CSMD1: variants seen among roughly 807,000 people sequenced by gnomAD.
CSMD1 encodes CUB and sushi domain-containing protein 1.
A neutral mutation model predicts 417.5 loss-of-function variants in CSMD1; 213 were observed. The observed-to-expected ratio is 0.51, with a 90% confidence interval of 0.46 to 0.57. CSMD1 has a LOEUF of 0.57. Among genes scored for constraint, CSMD1 ranks in the 20% least tolerant of loss-of-function variants. CSMD1 has a pLI of 0.00. For missense variants in CSMD1, 6,923 were observed against 4,529.7 expected (o/e 1.53, Z -15.17); for synonymous variants, 2,862 against 1,736.8 (o/e 1.65, Z -16.11).
At chr8:4,478,771 A>G (rs893898424) in intron 2 of CSMD1, among the ~76,000 whole-genome samples, 3 of 152,228 alleles carry the variant, frequency 2.0e-5, no homozygotes, top group African/African-American at 7.2e-5. Context: ...ATATGTAACA[A>G]ATTTTAATGG....
At chr8:4,022,228 G>T (rs1020514023) in intron 4 of CSMD1, among the ~76,000 whole-genome samples, 2 of 148,204 alleles carry the variant, frequency 1.3e-5, no homozygotes, top group Admixed American at 6.7e-5. Context: ...GGTAATAAAG[G>T]TGCTGACTAT....
At chr8:4,082,362 T>C (rs1252545268) in intron 3 of CSMD1, among the ~76,000 whole-genome samples, 1 of 152,166 alleles carries the variant, frequency 6.6e-6, no homozygotes, top group Non-Finnish European at 1.5e-5. Flanking sequence ...GCCCAGATGG[T>C]TTCACTGGTG....
At chr8:3,000,285 T>C (rs1037577358) in intron 52 of CSMD1, among the ~76,000 whole-genome samples, 154 bp from the exon 53 acceptor site, 1 of 151,306 alleles carries the variant, frequency 6.6e-6, no homozygotes, top group Non-Finnish European at 1.5e-5. Context: ...TTAAATATAG[T>C]TTTTCTTTTT....
intron 6 of CSMD1, among the ~76,000 whole-genome samples, chr8:3,715,636 G>A (rs535582287): frequency 3.5e-4 from 54 of 152,172 alleles, no homozygotes; most frequent in African/African-American, 1.1e-3. Context: ...TCCACCTCCC[G>A]GGTTCAAGTG....
chr8:4,082,072 G>C (rs1269690271), intron 3 of CSMD1, among the ~76,000 whole-genome samples: 2 of 152,100 alleles, frequency 1.3e-5, no homozygotes, highest in Admixed American at 6.6e-5. Context: ...AAGATTAATT[G>C]ATGAAGATTA....
Position 3,266,279 on chromosome 8 carries a change from C to T in CSMD1, c.4153+17865G>A, listed in dbSNP as rs986276742. Among the ~76,000 whole-genome samples the T allele has an allele frequency of 4.0e-5, 6 of 151,188 alleles. No homozygotes were observed. In the South Asian group the frequency reaches 1.0e-3, roughly 26 times the overall value. On this transcript the variant is annotated intron_variant, in intron 26 of 69. Transcript: ENST00000635120. ...GAAAGAGGGTTGTAAGGCGGAAAGG[C>T]AGTAGCACCACAGTTCTGCAAGGGG...
chr8:4,134,771 C>G lies in CSMD1; in HGVS notation c.416-102672G>C, dbSNP rs1585390473. ...TGTCTCCAATATACCCCTTCTGAGC[C>G]ATTCTCAACACGGCATCATGAGTGA... is the stretch of plus-strand genomic sequence containing the variant. On this transcript the variant is annotated intron_variant, in intron 3 of 69. Coordinates refer to ENST00000635120, the MANE Select transcript of CSMD1 (RefSeq NM_033225.6). Among the ~76,000 whole-genome samples the G allele has an allele frequency of 1.3e-5, 2 of 152,312 alleles. 1 individual carries two copies. The highest frequency in any genetic ancestry group is 6.8e-3 in the Middle Eastern group (2 of 292).
chr8:3,604,504 G>A (rs775200602), intron 8 of CSMD1, among the ~76,000 whole-genome samples: 1 of 152,162 alleles, frequency 6.6e-6, no homozygotes. Context: ...ACGTGCTAAA[G>A]AGGAGAGCCA....
At chr8:4,105,611 A>G (rs555762838) in intron 3 of CSMD1, among the ~76,000 whole-genome samples, 17 of 152,308 alleles carry the variant, frequency 1.1e-4, no homozygotes, top group African/African-American at 4.1e-4. Flanking sequence ...GCAGAAGAGG[A>G]AACAGGGAAA....
At chr8:4,799,064 G>A (rs761501376) in intron 1 of CSMD1, among the ~76,000 whole-genome samples, 41 of 152,318 alleles carry the variant, frequency 2.7e-4, no homozygotes, top group Non-Finnish European at 5.0e-4. Context: ...ACAGAGGTCA[G>A]GGCTTGCATT....
At chr8:4,240,380 G>T (rs1215975008) in intron 3 of CSMD1, among the ~76,000 whole-genome samples, 2 of 152,286 alleles carry the variant, frequency 1.3e-5, no homozygotes, top group Admixed American at 6.5e-5. Flanking sequence ...GCCCCATTTT[G>T]CAGGCATCAC....
chr8:3,775,853 C>A (rs570628298), intron 5 of CSMD1, among the ~76,000 whole-genome samples: 3 of 152,306 alleles, frequency 2.0e-5, no homozygotes, highest in East Asian at 1.9e-4. Flanking sequence ...TGTTACTGAC[C>A]TAGGATGGGT....
chr8:3,176,938 T>C (rs1381384087), intron 37 of CSMD1, among the ~76,000 whole-genome samples: 1 of 151,908 alleles, frequency 6.6e-6, no homozygotes, highest in Admixed American at 6.6e-5. Flanking sequence ...CCACCATGCC[T>C]GGCTAATTTT....
At chr8:4,274,807 A>T (rs183957240) in intron 3 of CSMD1, among the ~76,000 whole-genome samples, 59 of 152,280 alleles carry the variant, frequency 3.9e-4, no homozygotes, top group Admixed American at 8.5e-4. Context: ...TGCCACCCTC[A>T]ACAAAATTTA....
intron 5 of CSMD1, among the ~76,000 whole-genome samples, chr8:3,845,680 T>C (rs1803458073): frequency 1.3e-5 from 2 of 152,206 alleles, no homozygotes; most frequent in South Asian, 2.1e-4. Context: ...AAGTTAACTT[T>C]AGCTTACTGT....
intron 1 of CSMD1, among the ~76,000 whole-genome samples, chr8:4,715,540 G>A (rs1275329588): frequency 1.3e-5 from 2 of 152,018 alleles, no homozygotes; most frequent in Non-Finnish European, 2.9e-5. Context: ...TTAATTGCAC[G>A]TATATATATC....
intron 26 of CSMD1, among the ~76,000 whole-genome samples, chr8:3,244,520 A>C (rs187670128): frequency 2.6e-5 from 4 of 152,284 alleles, no homozygotes; most frequent in Admixed American, 6.5e-5. Flanking sequence ...ACCAGCTTTT[A>C]CACTGTACAT....
At chr8:4,581,290 G>C (rs1799405967) in intron 2 of CSMD1, among the ~76,000 whole-genome samples, 1 of 152,104 alleles carries the variant, frequency 6.6e-6, no homozygotes, top group African/African-American at 2.4e-5. Context: ...AAAAGAACAA[G>C]ACACATGCAG....
At chr8:3,769,409 G>C (rs571130804) in intron 5 of CSMD1, among the ~76,000 whole-genome samples, 4 of 138,456 alleles carry the variant, frequency 2.9e-5, no homozygotes, top group South Asian at 4.9e-4. Context: ...TGACACAAAA[G>C]AATATGTCAG....
Sources: gnomAD v4.1 joint callset for allele counts (sites outside exome capture counted in the v4.1 genomes callset) on GRCh38, gnomAD v4.1.1 for gene constraint, MANE v1.5 for transcripts, NCBI Gene and HGNC (gene_info 2026-07-23, HGNC 2026-07-21) for gene names.